GGH: variants seen among roughly 807,000 people sequenced by gnomAD.
GGH encodes gamma-Glu-X carboxypeptidase.
Under a neutral mutation model 39.2 loss-of-function variants are expected in GGH, and 18 were observed. The ratio of observed to expected loss-of-function variants is 0.46; its 90% confidence interval spans 0.32 to 0.68. The LOEUF (loss-of-function observed/expected upper bound fraction) is 0.68, where lower values mean the gene tolerates loss of function less well. GGH is among the 30% of genes least tolerant of loss of function. The pLI is 0.04. For missense variants in GGH, 367 were observed against 384.1 expected (o/e 0.96, Z 0.37); for synonymous variants, 147 against 138.8 (o/e 1.06, Z -0.42).
At chr8:63,035,197 A>G (rs12678042) in intron 2 of GGH, among the ~76,000 whole-genome samples, 12,201 of 152,248 alleles carry the variant, frequency 0.08, 937 homozygotes, top group East Asian at 0.43. Context: ...ACATTAAACA[A>G]TTCAATGAGA....
intron 2 of GGH, among the ~76,000 whole-genome samples, chr8:63,030,969 A>G (rs1310251199): frequency 6.6e-6 from 1 of 152,238 alleles, no homozygotes; most frequent in African/African-American, 2.4e-5. Flanking sequence ...AAAGTTCAAT[A>G]AAATGCAACA....
In GGH at chr8:63,023,876, G is replaced by A. The variant is rs376805333; in HGVS notation, c.697+31C>T. The A allele has an allele frequency of 5.0e-5, 67 of 1,328,916 alleles. No individual in the cohort carries two copies. In the African/African-American group the frequency reaches 9.7e-4, roughly 19 times the overall value. 82.3% of individuals were successfully genotyped at this position (1,328,916 alleles called of 1,614,324 possible). On this transcript the variant is annotated intron_variant, in intron 7 of 8. Transcript: ENST00000260118. ...CAAAATTTAAAAATATAAAATAAGT[G>A]AAATAAAGTATACATGTTATAGTGA...
intron 6 of GGH, 35 bp from the exon 7 acceptor site, chr8:63,024,032 T>C (rs1025920873): frequency 6.5e-7 from 1 of 1,544,814 alleles, no homozygotes; most frequent in Non-Finnish European, 8.9e-7. Flanking sequence ...TGATTACTTC[T>C]GCAGTTATTC....
intron 3 of GGH, chr8:63,028,218 G>C (rs187575218): frequency 6.6e-6 from 1 of 152,028 alleles, no homozygotes; most frequent in Non-Finnish European, 1.5e-5. Flanking sequence ...AAGCATCTGT[G>C]TGGGAGAATA....
Position 63,030,917 on chromosome 8 carries a change from A to G in GGH, c.225-700T>C, listed in dbSNP as rs534222515. 1.9e-4 allele frequency among the ~76,000 whole-genome samples: 29 copies of G among 152,328 alleles called. No individual in the cohort carries two copies. The South Asian group carries it at 5.8e-3, about 30-fold the overall frequency. On this transcript the variant is annotated intron_variant, in intron 2 of 8. Transcript: ENST00000260118. ...AAAAGATGGGCTTAATCTGTGACAT[A>G]TGGTGACAACATTTACTAAGTCACA...
intron 2 of GGH, among the ~76,000 whole-genome samples, chr8:63,030,446 C>T (rs79110586): frequency 0.1 from 15,397 of 152,064 alleles, 1,005 homozygotes; most frequent in East Asian, 0.34. Flanking sequence ...TGATCTAATG[C>T]AATTTAATAT....
intron 7 of GGH, 172 bp from the exon 8 acceptor site, chr8:63,017,802 A>G: frequency 2.0e-6 from 1 of 512,124 alleles, no homozygotes; most frequent in South Asian, 3.1e-5. Context: ...CAATGTGAAA[A>G]TTCCCTGTAA....
At chr8:63,024,589 T>C (rs1370079753) in intron 5 of GGH, 1 of 159,282 alleles carries the variant, frequency 6.3e-6, no homozygotes, top group Non-Finnish European at 1.4e-5. Context: ...CAGAGGTATC[T>C]GGGACAAACA....
intron 8 of GGH, among the ~76,000 whole-genome samples, 188 bp from the exon 9 acceptor site, chr8:63,015,641 C>CA (rs372991597): frequency 0.035 from 4,479 of 127,024 alleles, 76 homozygotes; most frequent in African/African-American, 0.05. Flanking sequence ...ACTTACTTTC[C>CA]AAAAAAAAAA....
chr8:63,027,079 G>A (rs1699428258), intron 4 of GGH, 102 bp downstream of exon 4: 1 of 745,362 alleles, frequency 1.3e-6, no homozygotes, highest in East Asian at 2.5e-5. Flanking sequence ...TGAGGCTAAG[G>A]GTAATTTTGA....
At chr8:63,023,669 C>A (rs1026435826) in intron 7 of GGH, 5 of 286,678 alleles carry the variant, frequency 1.7e-5, no homozygotes. Context: ...TCATTTCTTT[C>A]TTCATCCTTG....
At chr8:63,034,217 T>C (rs959364350) in intron 2 of GGH, among the ~76,000 whole-genome samples, 3 of 151,550 alleles carry the variant, frequency 2.0e-5, no homozygotes, top group Non-Finnish European at 4.4e-5. Flanking sequence ...AAAATTTCGT[T>C]TGAAAAATTA....
chr8:63,026,913 T>C (rs1325497195), intron 4 of GGH: 1 of 411,592 alleles, frequency 2.4e-6, no homozygotes, highest in Non-Finnish European at 4.3e-6. Flanking sequence ...CATCAGAATG[T>C]CTACACTACA....
chr8:63,015,313 G>C lies in GGH; in HGVS notation c.*19C>G. The C allele has an allele frequency of 7.8e-7, 1 of 1,288,554 alleles. No homozygotes were observed. The highest frequency in any genetic ancestry group is 1.1e-6 in the Non-Finnish European group (1 of 914,138). The allele number at this position is 1,288,554 out of a possible 1,614,324, so 79.8% of individuals were successfully genotyped here. A position where few individuals can be genotyped will look rare whatever the true frequency, so the allele number is the denominator to read the frequency against. The stretch of plus-strand genomic sequence containing the variant: ...TCATGGAATTATTCAAATTTGCTCT[G>C]TTAACAAATTGAAGACTTTCAATCA... On this transcript the variant is annotated 3_prime_UTR_variant, in exon 9 of 9. Transcript: ENST00000260118.
At chr8:63,035,843 C>CA (rs1804898718) in intron 1 of GGH, 73 bp from the exon 2 acceptor site, 5 of 1,232,278 alleles carry the variant, frequency 4.1e-6, no homozygotes, top group Non-Finnish European at 4.6e-6. Flanking sequence ...TATATCACAG[C>CA]AAAAATATCA....
At chr8:63,032,737 A>T (rs910122107) in intron 2 of GGH, among the ~76,000 whole-genome samples, 1 of 152,222 alleles carries the variant, frequency 6.6e-6, no homozygotes, top group Non-Finnish European at 1.5e-5. Flanking sequence ...TTTCTACAAG[A>T]TCACATGATT....
intron 1 of GGH, among the ~76,000 whole-genome samples, chr8:63,036,942 C>T (rs1238076097): frequency 6.6e-6 from 1 of 152,174 alleles, no homozygotes; most frequent in East Asian, 1.9e-4. Flanking sequence ...CCCCACCCAT[C>T]TCTCTGGCCT....
In GGH at chr8:63,030,158, C is replaced by T. The variant is rs4617146; in HGVS notation, c.275+9G>A. The T allele has an allele frequency of 0.19, 247,525 of 1,302,010 alleles. 26,615 individuals are homozygous for T. Among genetic ancestry groups the T allele is most frequent in the East Asian group, 0.42 (18,174 of 43,046 alleles). 80.7% of individuals were successfully genotyped at this position (1,302,010 alleles called of 1,614,324 possible). ...CATATACCGTATGAAACCAATGCTG[C>T]CAACTTACCCATTAATAGATTTGAA... On this transcript the variant is annotated intron_variant, in intron 3 of 8. Transcript: ENST00000260118.
intron 3 of GGH, among the ~76,000 whole-genome samples, chr8:63,029,171 T>G (rs1804755412): frequency 6.6e-6 from 1 of 152,162 alleles, no homozygotes; most frequent in Non-Finnish European, 1.5e-5. Context: ...TCCACCCTAT[T>G]CCCAATCAGA....
Sources: allele counts gnomAD v4.1 joint callset (sites outside exome capture counted in the v4.1 genomes callset), GRCh38; gene constraint gnomAD v4.1.1; transcripts MANE v1.5; gene names NCBI Gene and HGNC (gene_info 2026-07-23, HGNC 2026-07-21).